WASF3: variants seen among roughly 807,000 people sequenced by gnomAD.
WASF3 encodes actin-binding protein WASF3.
In WASF3, 11 loss-of-function variants were observed where a neutral mutation model predicts 46.6. That is an observed-to-expected ratio of 0.24 (90% CI 0.15 to 0.39). WASF3 has a LOEUF of 0.39. Among genes scored for constraint, WASF3 ranks in the 10% least tolerant of loss-of-function variants. WASF3 has a pLI of 1.00. For synonymous variants in WASF3, 242 were observed against 259.7 expected (o/e 0.93, Z 0.65); for missense variants, 576 against 669.8 (o/e 0.86, Z 1.55).
At chr13:26,553,338 G>A (rs988718230), upstream of WASF3, among the ~76,000 whole-genome samples, 2 of 152,152 alleles carry the variant, frequency 1.3e-5, no homozygotes, top group Admixed American at 6.5e-5. Context: ...AAAGTTGGGA[G>A]GGGGTAGTAA....
At chr13:26,632,902 A>G (rs955031965) in intron 2 of WASF3, among the ~76,000 whole-genome samples, 6 of 152,070 alleles carry the variant, frequency 3.9e-5, no homozygotes, top group African/African-American at 1.4e-4. Flanking sequence ...TAGTCTTGGG[A>G]GGGTGTATGT....
In WASF3 at chr13:26,682,916, G is replaced by T; in HGVS notation, c.1293G>T (p.Glu431Asp). Residue 431 changes from glutamate (E) to aspartate (D), a missense_variant, in exon 9 of 10, where the codon GAG (glutamate) becomes GAT (aspartate). Coordinates refer to ENST00000335327, the MANE Select transcript of WASF3 (RefSeq NM_006646.6). The surrounding 1 kb of genome is among the most constrained non-coding windows in gnomAD (Gnocchi z 4.4). ...GPPVAEAKRQEPAQPPISDAR... is the reference protein window; with the variant it reads ...GPPVAEAKRQDPAQPPISDAR... ...CAGTAGCTGAGGCGAAGCGGCAAGA[G>T]CCTGCACAGCCACCAATCAGTGATG... 1 of 1,610,456 alleles carries T rather than the reference G, an allele frequency of 6.2e-7. No homozygotes were observed.
the WASF3 span, among the ~76,000 whole-genome samples, chr13:26,546,220 G>A: frequency 6.6e-6 from 1 of 152,186 alleles, no homozygotes; most frequent in Admixed American, 6.5e-5. Context: ...AGCCTGTTGT[G>A]CCTGGAAGAT....
chr13:26,667,400 A>C, intron 4 of WASF3, 117 bp from the exon 5 acceptor site: 4 of 900,372 alleles, frequency 4.4e-6, no homozygotes, highest in Non-Finnish European at 6.4e-6. Context: ...ATGGACAATA[A>C]AAAATATTAT....
In WASF3 at chr13:26,667,987, T is replaced by A. The variant is rs552540679; in HGVS notation, c.422+317T>A. On this transcript the variant is annotated intron_variant, in intron 5 of 9. Transcript: ENST00000335327. ...CATAACAGTATTGTGTGTGGTTATG[T>A]TGTTGTTTTTAGATTCGAAGTCAAT... Among the ~76,000 whole-genome samples, 7 of 152,308 alleles carry A rather than the reference T, an allele frequency of 4.6e-5. No homozygotes were observed. In the East Asian group the frequency reaches 5.8e-4, roughly 13 times the overall value.
intron 2 of WASF3, among the ~76,000 whole-genome samples, chr13:26,631,403 T>C (rs1178169394): frequency 1.3e-5 from 2 of 152,250 alleles, no homozygotes; most frequent in East Asian, 3.8e-4. Flanking sequence ...TAGCCAGTTT[T>C]CCCAGCACCA....
At chr13:26,657,935 T>G (rs1882514820) in intron 3 of WASF3, among the ~76,000 whole-genome samples, 1 of 152,236 alleles carries the variant, frequency 6.6e-6, no homozygotes, top group Non-Finnish European at 1.5e-5. Flanking sequence ...TTATGTCCCT[T>G]TATAAATTGA....
intron 2 of WASF3, among the ~76,000 whole-genome samples, chr13:26,631,324 A>G (rs1881645098): frequency 6.6e-6 from 1 of 152,158 alleles, no homozygotes; most frequent in Non-Finnish European, 1.5e-5. Flanking sequence ...TTAAATCTTT[A>G]ATCTGTCTTG....
intron 2 of WASF3, among the ~76,000 whole-genome samples, chr13:26,631,375 T>C (rs1311895953): frequency 9.2e-5 from 14 of 152,146 alleles, no homozygotes; most frequent in African/African-American, 3.4e-4. Flanking sequence ...GATCCAGTTT[T>C]AGCTTTCTAC....
intron 2 of WASF3, among the ~76,000 whole-genome samples, chr13:26,617,265 G>GTTT (rs59761644): frequency 6.8e-6 from 1 of 147,742 alleles, no homozygotes; most frequent in Non-Finnish European, 1.5e-5. Context: ...CATTTTTAGT[G>GTTT]TTTTTTTTTT....
chr13:26,670,507 C>A (rs558198772), intron 5 of WASF3, among the ~76,000 whole-genome samples: 1 of 152,116 alleles, frequency 6.6e-6, no homozygotes, highest in African/African-American at 2.4e-5. Context: ...TAAAAAAGAA[C>A]GTATCTGTTT....
At chr13:26,549,446 C>T in the WASF3 span, among the ~76,000 whole-genome samples, 1 of 152,106 alleles carries the variant, frequency 6.6e-6, no homozygotes, top group African/African-American at 2.4e-5. Flanking sequence ...ATTAATAAAG[C>T]TTCATTATCT....
chr13:26,556,206 G>A (rs924681227), upstream of WASF3, among the ~76,000 whole-genome samples: 2 of 152,132 alleles, frequency 1.3e-5, no homozygotes, highest in Non-Finnish European at 2.9e-5. Flanking sequence ...GTGTAGCAGC[G>A]GTTTATAAGG....
intron 2 of WASF3, among the ~76,000 whole-genome samples, chr13:26,615,556 C>T (rs935584580): frequency 5.9e-5 from 9 of 152,206 alleles, no homozygotes; most frequent in Admixed American, 2.6e-4. Flanking sequence ...ATCCCCCTGC[C>T]TCTGCCTCCC....
intron 7 of WASF3, chr13:26,680,040 GAA>G: frequency 6.3e-7 from 1 of 1,596,442 alleles, no homozygotes. Context: ...TTCAGAGAGA[GAA>G]ACACAAGCTG....
intron 1 of WASF3, among the ~76,000 whole-genome samples, chr13:26,605,909 T>G (rs1880780882): frequency 6.6e-6 from 1 of 152,232 alleles, no homozygotes; most frequent in South Asian, 2.1e-4. Flanking sequence ...GTTTTAGGTT[T>G]TTGTTTGCTC....
intron 3 of WASF3, among the ~76,000 whole-genome samples, chr13:26,649,460 C>T (rs537020262): frequency 2.6e-5 from 4 of 152,214 alleles, no homozygotes; most frequent in African/African-American, 9.6e-5. Flanking sequence ...GAAGTCACTC[C>T]TGTCTACACA....
chr13:26,594,734 G>A (rs1054263851), intron 1 of WASF3, among the ~76,000 whole-genome samples: 1 of 152,088 alleles, frequency 6.6e-6, no homozygotes, highest in Non-Finnish European at 1.5e-5. Flanking sequence ...TGTGTGCTCT[G>A]CCTAGTCCTT....
chr13:26,672,134 C>G, intron 6 of WASF3, 145 bp downstream of exon 6: 1 of 642,866 alleles, frequency 1.6e-6, no homozygotes, highest in South Asian at 1.9e-5. Context: ...AAGATCCTGA[C>G]AATTCAGTCA....
Sources: allele counts gnomAD v4.1 joint callset (sites outside exome capture counted in the v4.1 genomes callset), GRCh38; gene constraint gnomAD v4.1.1; non-coding constraint Gnocchi (gnomAD v3.1); transcripts MANE v1.5; gene names NCBI Gene and HGNC (gene_info 2026-07-23, HGNC 2026-07-21).